ANKS1B: variants seen among roughly 807,000 people sequenced by gnomAD.
ANKS1B encodes the protein ankyrin repeat and sterile alpha motif domain containing 1B, also known as ankyrin repeat and sterile alpha motif domain-containing protein 1B.
In ANKS1B, 36 loss-of-function variants were observed where a neutral mutation model predicts 148.3. That is an observed-to-expected ratio of 0.24 (90% CI 0.19 to 0.32). The LOEUF is 0.32. Among genes scored for constraint, ANKS1B ranks in the 10% least tolerant of loss-of-function variants. The pLI, the probability that ANKS1B is intolerant of heterozygous loss-of-function variation, is 1.00. For missense variants in ANKS1B, 1,157 were observed against 1,542.6 expected (o/e 0.75, Z 4.19); for synonymous variants, 542 against 560.8 (o/e 0.97, Z 0.47).
chr12:99,560,021 C>T (rs3914187), intron 9 of ANKS1B, among the ~76,000 whole-genome samples: 73,097 of 151,966 alleles, frequency 0.48, 17,921 homozygotes, highest in East Asian at 0.61. Context: ...AAGAATTTTA[C>T]GTGATATAGA....
chr12:99,901,202 A>G (rs2093587392), intron 1 of ANKS1B, among the ~76,000 whole-genome samples: 2 of 152,226 alleles, frequency 1.3e-5, no homozygotes, highest in African/African-American at 4.8e-5. Flanking sequence ...AACTAGACAC[A>G]GTTTTGGAAT....
intron 8 of ANKS1B, among the ~76,000 whole-genome samples, chr12:99,744,744 C>G (rs1029527318): frequency 6.6e-6 from 1 of 152,134 alleles, no homozygotes; most frequent in African/African-American, 2.4e-5. Context: ...GTAATCCCAG[C>G]ACTTTGGGAG....
intron 12 of ANKS1B, among the ~76,000 whole-genome samples, chr12:99,290,061 C>A (rs2079720666): frequency 6.6e-6 from 1 of 151,344 alleles, no homozygotes. Flanking sequence ...GGCCTAAATA[C>A]AATCAGAGGT....
intron 8 of ANKS1B, among the ~76,000 whole-genome samples, chr12:99,737,076 C>G (rs916721194): frequency 6.6e-6 from 1 of 152,052 alleles, no homozygotes; most frequent in South Asian, 2.1e-4. Flanking sequence ...CTTTTATATG[C>G]TGTTGATAAA....
At chr12:99,679,089 G>T (rs2098598867) in intron 8 of ANKS1B, among the ~76,000 whole-genome samples, 1 of 152,096 alleles carries the variant, frequency 6.6e-6, no homozygotes, top group African/African-American at 2.4e-5. Flanking sequence ...ATCAAGTGAA[G>T]AAAACAGAAT....
At chr12:99,902,154 T>C (rs1416682760) in intron 1 of ANKS1B, among the ~76,000 whole-genome samples, 1 of 152,164 alleles carries the variant, frequency 6.6e-6, no homozygotes, top group Non-Finnish European at 1.5e-5. Flanking sequence ...TTACATAGAA[T>C]GTGCAGAATT....
chr12:99,235,217 TTTA>T (rs2087676197), intron 14 of ANKS1B, among the ~76,000 whole-genome samples: 1 of 152,196 alleles, frequency 6.6e-6, no homozygotes. Flanking sequence ...ACTTTTAACA[TTTA>T]TTTTTACTTT....
At chr12:99,484,748 T>TTG (rs764549996) in intron 10 of ANKS1B, among the ~76,000 whole-genome samples, 51 of 142,726 alleles carry the variant, frequency 3.6e-4, no homozygotes, top group Admixed American at 1.6e-3. Context: ...GTGACCGTCT[T>TTG]TGTGTGTGTG....
At chr12:99,358,912 C>G (rs2092262614) in intron 12 of ANKS1B, among the ~76,000 whole-genome samples, 1 of 151,972 alleles carries the variant, frequency 6.6e-6, no homozygotes, top group African/African-American at 2.4e-5. Context: ...TATCCTAGGG[C>G]AAGTAGAGTA....
chr12:99,714,539 T>G (rs2057050540), intron 8 of ANKS1B, among the ~76,000 whole-genome samples: 1 of 152,174 alleles, frequency 6.6e-6, no homozygotes, highest in Non-Finnish European at 1.5e-5. Context: ...TTCAAGTTTT[T>G]TATTATTATT....
At chr12:99,643,376 C>T (rs548046148) in intron 9 of ANKS1B, among the ~76,000 whole-genome samples, 148 of 151,824 alleles carry the variant, frequency 9.7e-4, no homozygotes, top group Non-Finnish European at 1.3e-3. Flanking sequence ...ACAAGTGTAG[C>T]GAAACAATTA....
At chr12:98,862,591 C>T (rs1301715262) in intron 17 of ANKS1B, among the ~76,000 whole-genome samples, 3 of 152,156 alleles carry the variant, frequency 2.0e-5, no homozygotes, top group African/African-American at 7.2e-5. Flanking sequence ...CAAATAGACA[C>T]TTTATGTAAA....
intron 25 of ANKS1B, among the ~76,000 whole-genome samples, chr12:98,763,755 A>G (rs1022205185): frequency 1.3e-5 from 2 of 152,210 alleles, no homozygotes; most frequent in Non-Finnish European, 2.9e-5. Flanking sequence ...TTTTATGTGC[A>G]GTCTCATAAG....
intron 10 of ANKS1B, among the ~76,000 whole-genome samples, chr12:99,498,827 G>T (rs980048656): frequency 6.6e-6 from 1 of 152,054 alleles, no homozygotes; most frequent in Admixed American, 6.6e-5. Flanking sequence ...ACTCACTAAA[G>T]AATTTAGTAA....
chr12:99,693,841 C>T (rs187635349), intron 8 of ANKS1B, among the ~76,000 whole-genome samples: 11 of 145,366 alleles, frequency 7.6e-5, no homozygotes, highest in Non-Finnish European at 1.0e-4. Context: ...AGTGCAGTGG[C>T]GCGATCTCAG....
At chr12:98,841,229 A>G (rs1303643241) in intron 17 of ANKS1B, among the ~76,000 whole-genome samples, 1 of 152,190 alleles carries the variant, frequency 6.6e-6, no homozygotes, top group East Asian at 1.9e-4. Flanking sequence ...ACCGAAATTC[A>G]TTAACATATA....
At chr12:98,984,077 C>T (rs1023867533) in intron 17 of ANKS1B, among the ~76,000 whole-genome samples, 7 of 152,224 alleles carry the variant, frequency 4.6e-5, no homozygotes, top group African/African-American at 1.7e-4. Flanking sequence ...CAGTGATTCA[C>T]TGCATCATAC....
chr12:99,981,330 C>T (rs913922763), intron 1 of ANKS1B, among the ~76,000 whole-genome samples: 1 of 151,944 alleles, frequency 6.6e-6, no homozygotes, highest in African/African-American at 2.4e-5. Context: ...TGCAGTGCCA[C>T]CCAAAAGCAT....
intron 10 of ANKS1B, among the ~76,000 whole-genome samples, chr12:99,471,326 A>G (rs1451507885): frequency 1.3e-5 from 2 of 151,840 alleles, no homozygotes; most frequent in Admixed American, 6.6e-5. Context: ...CATCATATAT[A>G]TTTATGAGTC....
Sources: gnomAD v4.1 joint callset for allele counts (sites outside exome capture counted in the v4.1 genomes callset) on GRCh38, gnomAD v4.1.1 for gene constraint, MANE v1.5 for transcripts, NCBI Gene and HGNC (gene_info 2026-07-23, HGNC 2026-07-21) for gene names.